GDF11: variants seen among roughly 807,000 people sequenced by gnomAD.
GDF11 encodes the protein growth differentiation factor 11.
A neutral mutation model predicts 34.4 loss-of-function variants in GDF11; 12 were observed. That is an observed-to-expected ratio of 0.35 (90% confidence interval 0.22 to 0.57). GDF11 has a LOEUF of 0.57. Among genes scored for constraint, GDF11 ranks in the 20% least tolerant of loss-of-function variants. The pLI, the probability that GDF11 is intolerant of heterozygous loss-of-function variation, is 0.86. For missense variants in GDF11, 346 were observed against 548.2 expected (o/e 0.63, Z 3.68); for synonymous variants, 212 against 231.1 (o/e 0.92, Z 0.75).
At chr12:55,744,437 C>G (rs1318697016) in intron 1 of GDF11, among the ~76,000 whole-genome samples, 1 of 152,142 alleles carries the variant, frequency 6.6e-6, no homozygotes, top group Non-Finnish European at 1.5e-5. Context: ...ATTGGCTACT[C>G]AAACCTTAGT....
chr12:55,749,685 G>A lies in GDF11; in HGVS notation c.1027G>A (p.Gly343Ser). 1 of 1,614,082 alleles carries A rather than the reference G, an allele frequency of 6.2e-7. No homozygotes were observed. The highest frequency in any genetic ancestry group is 8.5e-7 in the Non-Finnish European group (1 of 1,180,020). Residue 343 changes from glycine to serine, a missense_variant, in exon 3 of 3, where the codon GGC becomes AGC. By Grantham distance (56) the Gly-to-Ser change is moderately conservative. Around this residue, in one of 3 missense-constraint regions of GDF11, gnomAD observed 205 missense variants for 311.3 expected, o/e 0.66. Coordinates refer to ENST00000257868, the MANE Select transcript of GDF11 (RefSeq NM_005811.5). This position sits in a 1 kb window ranked among gnomAD's most constrained non-coding sequence, Gnocchi z 5.6. ...PKRYKANYCS[G>S]QCEYMFMQKY... The stretch of plus-strand genomic sequence containing the variant: ...GCGCTACAAGGCCAACTACTGCTCC[G>A]GCCAGTGCGAGTACATGTTCATGCA...
rs1228023588 is a variant in GDF11 at position 55,748,332 on chromosome 12, G to A, written c.446-254G>A. Among the ~76,000 whole-genome samples, 2 of 152,212 alleles carry A rather than the reference G, an allele frequency of 1.3e-5. No homozygotes were observed. The highest frequency in any genetic ancestry group is 4.8e-5 in the African/African-American group (2 of 41,452). On this transcript the variant is annotated intron_variant, in intron 1 of 2. Transcript: ENST00000257868. The surrounding 1 kb of genome is among the most constrained non-coding windows in gnomAD (Gnocchi z 5.6). ...GATGAATAATTTTGCAGGTTATCTG[G>A]TAGACAGGAACCTATATATTAGGGC...
chr12:55,749,127 A>T lies in GDF11; in HGVS notation c.843+144A>T, dbSNP rs992944736. The T allele has an allele frequency of 7.2e-5, 61 of 845,752 alleles. 1 individual carries two copies. The highest frequency in any genetic ancestry group is 4.7e-4 in the South Asian group (26 of 55,398). The allele number at this position is 845,752 out of a possible 1,614,324, so 52.4% of individuals were successfully genotyped here. A position where few individuals can be genotyped will look rare whatever the true frequency, so the allele number is the denominator to read the frequency against. ...GGTCAGCAGCTGATTCTAGAGGAGG[A>T]GGTGAGGAGTGGGGTGGCAACTATT... On this transcript the variant is annotated intron_variant, in intron 2 of 2. Transcript: ENST00000257868. This position sits in a 1 kb window ranked among gnomAD's most constrained non-coding sequence, Gnocchi z 5.6.
rs1878504599 is a variant in GDF11, at chr12:55,756,351, T to A, written c.*6469T>A. 1 of 152,234 alleles carries A rather than the reference T, an allele frequency of 6.6e-6. No homozygotes were observed. The highest frequency in any genetic ancestry group is 1.5e-5 in the Non-Finnish European group (1 of 68,046). The allele number at this position is 152,234 out of a possible 1,614,324, so 9.4% of individuals were successfully genotyped here. A position where few individuals can be genotyped will look rare whatever the true frequency, so the allele number is the denominator to read the frequency against. On this transcript the variant is annotated 3_prime_UTR_variant, in exon 3 of 3. Transcript: ENST00000257868. The stretch of plus-strand genomic sequence containing the variant: ...CAAGGCACAATTTTTCTAAATTATC[T>A]AAACTTTAGGTCCCTGCTTTCCTCA...
intron 1 of GDF11, among the ~76,000 whole-genome samples, chr12:55,744,247 C>T (rs1878132136): frequency 6.6e-6 from 1 of 152,178 alleles, no homozygotes; most frequent in African/African-American, 2.4e-5. Context: ...GAACTGTGTG[C>T]TTTCTCCCAA....
rs1204225512 is a variant in GDF11 at position 55,749,821 on chromosome 12, A to G, written c.1163A>G (p.Lys388Arg). The change falls in exon 3 of 3, where the codon AAG becomes AGG. Residue 388 changes from lysine (K) to arginine (R), a missense_variant. Lys to Arg is a conservative substitution (Grantham distance 26). Coordinates refer to ENST00000257868, the MANE Select transcript of GDF11 (RefSeq NM_005811.5). This position sits in a 1 kb window ranked among gnomAD's most constrained non-coding sequence, Gnocchi z 5.6. ...ATCAACATGCTCTACTTCAATGACA[A>G]GCAGCAGATTATCTACGGCAAGATC... ...SPINMLYFND[K>R]QQIIYGKIPG... The G allele has an allele frequency of 6.2e-6, 10 of 1,613,854 alleles. No individual in the cohort carries two copies. The highest frequency in any genetic ancestry group is 6.8e-6 in the Non-Finnish European group (8 of 1,179,952).
chr12:55,749,984 A>G lies in GDF11; in HGVS notation c.*102A>G, dbSNP rs904527395. On this transcript the variant is annotated 3_prime_UTR_variant, in exon 3 of 3. Transcript: ENST00000257868. This position sits in a 1 kb window ranked among gnomAD's most constrained non-coding sequence, Gnocchi z 5.6. ...AGAGCTCCCTCCACTCTTCCCGCGA[A>G]CATCACACCGTTCCCCGACCAAGCC... The G allele has an allele frequency of 3.0e-6, 3 of 1,000,336 alleles. No homozygotes were observed. Among genetic ancestry groups the G allele is most frequent in the Non-Finnish European group, 4.4e-6 (3 of 674,394 alleles). 62.0% of individuals were successfully genotyped at this position (1,000,336 alleles called of 1,614,324 possible).
rs1219934438 is a variant in GDF11, at chr12:55,743,214, G to C, written c.-103G>C. Reference sequence around the variant, plus strand: ...CCTCGGCCGGGCAGCCCCCAATCCCGCGCCGCCCGGACCCCCTCCTCCTCC... The same window carrying C: ...CCTCGGCCGGGCAGCCCCCAATCCCCCGCCGCCCGGACCCCCTCCTCCTCC... On this transcript the variant is annotated 5_prime_UTR_variant, in exon 1 of 3. Transcript: ENST00000257868. The C allele has an allele frequency of 8.2e-5, 17 of 208,304 alleles. No individual in the cohort carries two copies. Among genetic ancestry groups the C allele is most frequent in the Non-Finnish European group, 1.2e-4 (16 of 130,868 alleles). The allele number at this position is 208,304 out of a possible 1,614,324, so 12.9% of individuals were successfully genotyped here.
chr12:55,743,452 G>A lies in GDF11; in HGVS notation c.136G>A (p.Glu46Lys). 2 of 1,267,882 alleles carry A rather than the reference G, an allele frequency of 1.6e-6. No individual in the cohort carries two copies. Among genetic ancestry groups the A allele is most frequent in the South Asian group, 2.4e-5 (1 of 41,234 alleles). The allele number at this position is 1,267,882 out of a possible 1,614,324, so 78.5% of individuals were successfully genotyped here. The change falls in exon 1 of 3, where the codon GAG (glutamate) becomes AAG (lysine). Residue 46 changes from glutamate (E) to lysine (K), a missense_variant. By Grantham distance (56) the Glu-to-Lys change is moderately conservative. This residue lies in a region of GDF11 where 141 missense variants were observed against 213.8 expected (regional missense o/e 0.66). Transcript: ENST00000257868. ...GGCGGCAGCGGCGGGGGTCGGGGGG[G>A]AGCGCTCCAGCCGGCCAGCCCCGTC... Reference protein sequence around the residue: ...AAAAAAGVGGERSSRPAPSVA... With the variant: ...AAAAAAGVGGKRSSRPAPSVA...
chr12:55,743,951 T>G (rs1362829437), intron 1 of GDF11, among the ~76,000 whole-genome samples, 190 bp downstream of exon 1: 2 of 152,112 alleles, frequency 1.3e-5, no homozygotes, highest in East Asian at 3.9e-4. Context: ...CAAAGTTGTA[T>G]GCACGCCTAG....
At position 55,755,598 on chromosome 12, in the gene GDF11, G is replaced by A. The variant is rs1878481767; in HGVS notation, c.*5716G>A. The A allele has an allele frequency of 6.6e-6, 1 of 152,172 alleles. No homozygotes were observed. Among genetic ancestry groups the A allele is most frequent in the South Asian group, 2.1e-4 (1 of 4,838 alleles). 9.4% of individuals were successfully genotyped at this position (152,172 alleles called of 1,614,324 possible). A position where few individuals can be genotyped will look rare whatever the true frequency, so the allele number is the denominator to read the frequency against. On this transcript the variant is annotated 3_prime_UTR_variant, in exon 3 of 3. Coordinates refer to ENST00000257868, the MANE Select transcript of GDF11 (RefSeq NM_005811.5). ...TAAACAATTACAAGCCTCAATGTCTGTTCCATCTCCAAACGGAATTACTAT... is the reference window on the plus strand; with the variant it reads ...TAAACAATTACAAGCCTCAATGTCTATTCCATCTCCAAACGGAATTACTAT...
chr12:55,746,076 G>A (rs1343647529), intron 1 of GDF11, among the ~76,000 whole-genome samples: 2 of 152,054 alleles, frequency 1.3e-5, no homozygotes, highest in Non-Finnish European at 2.9e-5. Flanking sequence ...TCCCACCAGC[G>A]CCGCCTACTA....
rs1434418954 is a variant in GDF11 at position 55,752,330 on chromosome 12, A to G, written c.*2448A>G. On this transcript the variant is annotated 3_prime_UTR_variant, in exon 3 of 3. Transcript: ENST00000257868. Reference sequence around the variant, plus strand: ...ATTAAATATGGGGGACACTTAGAATACAGCTCCTTAAATACCACCAAATAA... The same window carrying G: ...ATTAAATATGGGGGACACTTAGAATGCAGCTCCTTAAATACCACCAAATAA... The G allele has an allele frequency of 7.3e-6, 1 of 137,754 alleles. No individual in the cohort carries two copies. Among genetic ancestry groups the G allele is most frequent in the Non-Finnish European group, 1.5e-5 (1 of 64,986 alleles). The allele number at this position is 137,754 out of a possible 1,614,324, so 8.5% of individuals were successfully genotyped here. A position where few individuals can be genotyped will look rare whatever the true frequency, so the allele number is the denominator to read the frequency against.
intron 1 of GDF11, among the ~76,000 whole-genome samples, chr12:55,746,430 A>G (rs192214384): frequency 4.6e-5 from 7 of 152,142 alleles, no homozygotes; most frequent in Admixed American, 3.9e-4. Context: ...CTCTCCCTAT[A>G]TCTACTAATA....
In GDF11 at chr12:55,743,608, G is replaced by T; in HGVS notation, c.292G>T (p.Glu98Ter). The T allele has an allele frequency of 6.2e-7, 1 of 1,605,240 alleles. No homozygotes were observed. ...RLKEAPNISR[E>*]VVKQLLPKAP... ...CAAGGAGGCGCCCAACATCAGCCGC[G>T]AGGTGGTGAAGCAGCTGCTGCCCAA... The change falls in exon 1 of 3, where the codon GAG becomes TAG. Residue 98 changes from glutamate to a stop codon, truncating the protein, a stop_gained. Coordinates refer to ENST00000257868, the MANE Select transcript of GDF11 (RefSeq NM_005811.5). LOFTEE classifies it high-confidence loss of function.
rs1037601008 is a variant in GDF11 at position 55,752,948 on chromosome 12, C to G, written c.*3066C>G. 4 of 152,196 alleles carry G rather than the reference C, an allele frequency of 2.6e-5. No homozygotes were observed. The highest frequency in any genetic ancestry group is 4.8e-5 in the African/African-American group (2 of 41,420). The allele number at this position is 152,196 out of a possible 1,614,324, so 9.4% of individuals were successfully genotyped here. A position where few individuals can be genotyped will look rare whatever the true frequency, so the allele number is the denominator to read the frequency against. Reference sequence around the variant, plus strand: ...TTGGAGAACCGGAGGTGAAGAGGATCTGAGACAGGAAACCTCGTGTTCAAT... The same window carrying G: ...TTGGAGAACCGGAGGTGAAGAGGATGTGAGACAGGAAACCTCGTGTTCAAT... On this transcript the variant is annotated 3_prime_UTR_variant, in exon 3 of 3. Coordinates refer to ENST00000257868, the MANE Select transcript of GDF11 (RefSeq NM_005811.5).
intron 1 of GDF11, among the ~76,000 whole-genome samples, chr12:55,745,388 G>A (rs117721518): frequency 3.8e-3 from 573 of 152,150 alleles, no homozygotes; most frequent in Non-Finnish European, 6.3e-3. Context: ...CGAAGTGAAG[G>A]GACCCTGCCT....
chr12:55,752,667 CA>C lies in GDF11; in HGVS notation c.*2786del, dbSNP rs1296297294. The C allele has an allele frequency of 3.3e-5, 5 of 152,250 alleles. No homozygotes were observed. The East Asian group carries it at 9.6e-4, about 29-fold the overall frequency. 9.4% of individuals were successfully genotyped at this position (152,250 alleles called of 1,614,324 possible). A position where few individuals can be genotyped will look rare whatever the true frequency, so the allele number is the denominator to read the frequency against. On this transcript the variant is annotated 3_prime_UTR_variant, in exon 3 of 3. Transcript: ENST00000257868. ...GGGTGTCTGAGGAGTATGGAGCTGA[CA>C]GGGGCATTGGAATGCCAGGAAAGAA...
Position 55,748,752 on chromosome 12 carries a change from TGGGGAAGGGACCGCA to T in GDF11, c.617_631del (p.Glu206_Gly210del). 6.2e-7 allele frequency: 1 copy of T among 1,614,138 alleles called. No individual in the cohort carries two copies. Among genetic ancestry groups the T allele is most frequent in the Non-Finnish European group, 8.5e-7 (1 of 1,180,022 alleles). ...AGATCTTGCGACTAAAACCCCTAAC[TGGGGAAGGGACCGCA>T]GGGGGAGGGGGCGGAGGCCGGCGTC... On this transcript the variant is annotated inframe_deletion, in exon 2 of 3. Transcript: ENST00000257868. This position sits in a 1 kb window ranked among gnomAD's most constrained non-coding sequence, Gnocchi z 5.6.
Sources: allele counts gnomAD v4.1 joint callset (sites outside exome capture counted in the v4.1 genomes callset), GRCh38; gene constraint gnomAD v4.1.1; regional missense constraint gnomAD v4.1.1; non-coding constraint Gnocchi (gnomAD v3.1); transcripts MANE v1.5; gene names NCBI Gene and HGNC (gene_info 2026-07-23, HGNC 2026-07-21).